CNTLN: variants seen among roughly 807,000 people sequenced by gnomAD.
CNTLN encodes centlein, centrosomal protein.
CNTLN carries 212 observed loss-of-function variants against 180.0 expected under a neutral mutation model. The ratio of observed to expected loss-of-function variants is 1.18; its 90% CI spans 1.05 to 1.32. CNTLN has a LOEUF of 1.32. CNTLN is among the 40% of genes most tolerant of loss of function. The probability of loss-of-function intolerance (pLI) is 0.00; values close to 1 mark genes in which losing one functional copy is unlikely to be tolerated. For missense variants in CNTLN, 2,095 were observed against 1,610.9 expected (o/e 1.30, Z -5.14); for synonymous variants, 722 against 563.1 (o/e 1.28, Z -3.99).
chr9:17,162,751 A>G (rs1819771749), intron 2 of CNTLN, among the ~76,000 whole-genome samples: 1 of 152,162 alleles, frequency 6.6e-6, no homozygotes, highest in East Asian at 1.9e-4. Context: ...TGCACAGACT[A>G]TGGGGCGTAG....
In CNTLN at chr9:17,355,195, G is replaced by GT. The variant is rs1310782519; in HGVS notation, c.1887-11417dup. 2.6e-5 allele frequency among the ~76,000 whole-genome samples: 4 copies of GT among 152,242 alleles called. No individual in the cohort carries two copies. The East Asian group carries it at 7.7e-4, about 29-fold the overall frequency. On this transcript the variant is annotated intron_variant, in intron 12 of 25. Transcript: ENST00000380647. ...TCCGGACACACTGGTTAATTTTTGT[G>GT]TTTTTAGTAGGGACGGGGTTTCGCC...
chr9:17,496,069 C>T (rs1171464489), intron 25 of CNTLN, among the ~76,000 whole-genome samples: 1 of 152,252 alleles, frequency 6.6e-6, no homozygotes, highest in African/African-American at 2.4e-5. Flanking sequence ...TGATGCATAA[C>T]TGTATTTGTA....
intron 14 of CNTLN, among the ~76,000 whole-genome samples, chr9:17,393,126 T>A (rs1240487125): frequency 2.0e-5 from 3 of 152,116 alleles, no homozygotes; most frequent in Non-Finnish European, 4.4e-5. Context: ...GGTGCCTTCT[T>A]GCTGTGTCCT....
chr9:17,482,345 C>T (rs1355230849), intron 23 of CNTLN, among the ~76,000 whole-genome samples: 3 of 151,764 alleles, frequency 2.0e-5, no homozygotes, highest in African/African-American at 7.3e-5. Flanking sequence ...CTGAAAAACT[C>T]CTATAAAAAT....
intron 3 of CNTLN, among the ~76,000 whole-genome samples, chr9:17,234,620 G>C (rs1825020911): frequency 6.6e-6 from 1 of 151,884 alleles, no homozygotes; most frequent in African/African-American, 2.4e-5. Context: ...TCGATATTTA[G>C]GGATCAGCAC....
intron 15 of CNTLN, among the ~76,000 whole-genome samples, chr9:17,402,815 T>G (rs550870184): frequency 5.3e-5 from 8 of 151,762 alleles, no homozygotes; most frequent in African/African-American, 9.7e-5. Context: ...GCTACACCAT[T>G]AGTTCTCCTG....
chr9:17,471,774 G>C (rs1021376509), intron 23 of CNTLN, among the ~76,000 whole-genome samples: 1 of 151,970 alleles, frequency 6.6e-6, no homozygotes, highest in Non-Finnish European at 1.5e-5. Context: ...TTTTGAACTG[G>C]TAATAGAAGG....
intron 2 of CNTLN, among the ~76,000 whole-genome samples, chr9:17,219,082 G>C (rs1044431282): frequency 6.6e-6 from 1 of 152,118 alleles, no homozygotes; most frequent in Non-Finnish European, 1.5e-5. Flanking sequence ...CTTAAAAGTT[G>C]TACAGATTTG....
At chr9:17,157,097 A>G (rs1235042379) in intron 2 of CNTLN, among the ~76,000 whole-genome samples, 2 of 152,138 alleles carry the variant, frequency 1.3e-5, no homozygotes, top group Non-Finnish European at 2.9e-5. Context: ...ATGCAGCAAA[A>G]CACATTGGGG....
At chr9:17,280,209 C>T (rs557198227) in intron 6 of CNTLN, among the ~76,000 whole-genome samples, 27 of 152,146 alleles carry the variant, frequency 1.8e-4, no homozygotes, top group African/African-American at 6.0e-4. Context: ...AAAATATATT[C>T]TACAGAACTT....
At chr9:17,302,250 G>A (rs1818421500) in intron 7 of CNTLN, among the ~76,000 whole-genome samples, 1 of 150,834 alleles carries the variant, frequency 6.6e-6, no homozygotes, top group Non-Finnish European at 1.5e-5. Flanking sequence ...AGGCTGGAGT[G>A]CAGTGGCACG....
chr9:17,332,980 AT>A (rs1820743330), intron 10 of CNTLN, among the ~76,000 whole-genome samples: 1 of 152,086 alleles, frequency 6.6e-6, no homozygotes, highest in East Asian at 1.9e-4. Flanking sequence ...TTGTCTTAAA[AT>A]TGGGAATAAA....
intron 25 of CNTLN, among the ~76,000 whole-genome samples, chr9:17,488,557 C>T (rs751430086): frequency 1.4e-4 from 22 of 152,028 alleles, no homozygotes; most frequent in African/African-American, 4.8e-4. Context: ...TAAATCTGTA[C>T]GTGTAAAGCT....
intron 2 of CNTLN, among the ~76,000 whole-genome samples, chr9:17,181,316 C>T (rs1242938738): frequency 6.6e-6 from 1 of 152,146 alleles, no homozygotes; most frequent in African/African-American, 2.4e-5. Flanking sequence ...CTGTTGAGCC[C>T]ATCTATTGAG....
At chr9:17,369,507 C>CA (rs1824125722) in intron 13 of CNTLN, among the ~76,000 whole-genome samples, 1 of 151,474 alleles carries the variant, frequency 6.6e-6, no homozygotes, top group African/African-American at 2.4e-5. Flanking sequence ...TGAGGAAACT[C>CA]AAAGAAATTC....
intron 2 of CNTLN, among the ~76,000 whole-genome samples, chr9:17,220,331 C>T (rs1824046050): frequency 6.6e-6 from 1 of 151,712 alleles, no homozygotes. Context: ...AAAAGTACTA[C>T]CAGAATTTAT....
At chr9:17,229,461 G>A (rs74589697) in intron 3 of CNTLN, among the ~76,000 whole-genome samples, 1,556 of 152,150 alleles carry the variant, frequency 0.01, 28 homozygotes, top group African/African-American at 0.034. Context: ...AATAGCTCAC[G>A]CAGTCGTGGG....
At chr9:17,421,279 T>C (rs2133922889) in intron 18 of CNTLN, among the ~76,000 whole-genome samples, 1 of 152,296 alleles carries the variant, frequency 6.6e-6, no homozygotes, top group East Asian at 1.9e-4. Context: ...TTTATAATTG[T>C]TATATCCTCT....
intron 5 of CNTLN, among the ~76,000 whole-genome samples, chr9:17,252,094 ATTAT>A (rs1826178573): frequency 6.6e-6 from 1 of 151,784 alleles, no homozygotes; most frequent in African/African-American, 2.4e-5. Context: ...GTAGTATTCC[ATTAT>A]TTATATATAC....
Sources: allele counts gnomAD v4.1 joint callset (sites outside exome capture counted in the v4.1 genomes callset), GRCh38; gene constraint gnomAD v4.1.1; transcripts MANE v1.5; gene names NCBI Gene and HGNC (gene_info 2026-07-23, HGNC 2026-07-21).